Variants in MLLT3 observed in about 807,000 individuals in gnomAD.
The protein encoded by MLLT3 is MLLT3 super elongation complex subunit, also known as protein AF-9.
Under a neutral mutation model 53.2 loss-of-function variants are expected in MLLT3, and 4 were observed. The observed-to-expected ratio is 0.08, with a 90% CI of 0.04 to 0.17. The LOEUF (loss-of-function observed/expected upper bound fraction) is 0.17. Ranked by LOEUF, MLLT3 falls within the 10% of genes least tolerant of loss-of-function variation. The pLI is 1.00. For synonymous variants in MLLT3, 283 were observed against 230.6 expected, an observed-to-expected ratio of 1.23 and a Z score of -2.06; for missense variants, 569 against 684.0, an observed-to-expected ratio of 0.83 and a Z score of 1.87.
At chr9:20,351,214 C>T (rs578174863) in intron 10 of MLLT3, among the ~76,000 whole-genome samples, 52 of 152,330 alleles carry the variant, frequency 3.4e-4, no homozygotes, top group African/African-American at 1.1e-3. Flanking sequence ...TAATACGCCA[C>T]AGATTCCCCA....
chr9:20,400,768 A>T (rs1011356955), intron 5 of MLLT3, among the ~76,000 whole-genome samples: 44 of 152,292 alleles, frequency 2.9e-4, no homozygotes, highest in Non-Finnish European at 5.7e-4. Context: ...AGAATTTGGT[A>T]CTTAGTCCAT....
chr9:20,371,749 T>C (rs1216890927), intron 5 of MLLT3, among the ~76,000 whole-genome samples: 1 of 152,234 alleles, frequency 6.6e-6, no homozygotes, highest in Non-Finnish European at 1.5e-5. Context: ...CTAATACATC[T>C]ATTCTGTAGC....
At chr9:20,459,149 A>C (rs939037247) in intron 2 of MLLT3, among the ~76,000 whole-genome samples, 1 of 152,186 alleles carries the variant, frequency 6.6e-6, no homozygotes, top group African/African-American at 2.4e-5. Context: ...TTGATAATGT[A>C]CCTGGAAATT....
intron 2 of MLLT3, among the ~76,000 whole-genome samples, chr9:20,498,031 G>T (rs1825121292): frequency 6.6e-6 from 1 of 151,832 alleles, no homozygotes; most frequent in Admixed American, 6.6e-5. Flanking sequence ...AGATCAGTCT[G>T]CCTAACATGG....
At chr9:20,403,819 C>CT (rs1332165186) in intron 5 of MLLT3, among the ~76,000 whole-genome samples, 12 of 152,024 alleles carry the variant, frequency 7.9e-5, no homozygotes, top group Non-Finnish European at 7.4e-5. Flanking sequence ...AGATACTAAA[C>CT]TTTTTTTTGT....
chr9:20,439,542 T>G (rs1041262071), intron 4 of MLLT3, among the ~76,000 whole-genome samples: 1 of 152,016 alleles, frequency 6.6e-6, no homozygotes, highest in Admixed American at 6.6e-5. Flanking sequence ...TGTTAAAATT[T>G]CTGGGTCTTA....
rs1226599312 is a variant in MLLT3, at chr9:20,504,236, TACTTC to T, written c.194-47455_194-47451del. On this transcript the variant is annotated intron_variant, in intron 2 of 10. Transcript: ENST00000380338. ...AACCAGTATTTCAAAAAGATATCTG[TACTTC>T]CATTTTCACTGCAGTACTAGTTACA... is the stretch of plus-strand genomic sequence containing the variant. Among the ~76,000 whole-genome samples the T allele has an allele frequency of 4.6e-5, 7 of 152,284 alleles. No homozygotes were observed. The South Asian group carries it at 1.2e-3, about 27-fold the overall frequency.
At chr9:20,391,376 G>C (rs1038684587) in intron 5 of MLLT3, among the ~76,000 whole-genome samples, 4 of 152,116 alleles carry the variant, frequency 2.6e-5, no homozygotes, top group Admixed American at 6.5e-5. Context: ...AACAAGATAA[G>C]GTAAACAAGG....
At chr9:20,568,801 G>T (rs1284657186) in intron 2 of MLLT3, among the ~76,000 whole-genome samples, 1 of 152,144 alleles carries the variant, frequency 6.6e-6, no homozygotes, top group African/African-American at 2.4e-5. Flanking sequence ...AAACTTGTCT[G>T]TATTTACATC....
chr9:20,373,010 C>T (rs958711799), intron 5 of MLLT3, among the ~76,000 whole-genome samples: 2 of 152,094 alleles, frequency 1.3e-5, no homozygotes, highest in African/African-American at 4.8e-5. Context: ...TGGAACCTAA[C>T]CTGCAGTGTC....
intron 2 of MLLT3, among the ~76,000 whole-genome samples, chr9:20,518,951 C>T (rs1277288601): frequency 6.6e-6 from 1 of 152,156 alleles, no homozygotes; most frequent in East Asian, 1.9e-4. Context: ...GCTGACCCTG[C>T]AATACTCTTT....
At chr9:20,524,862 A>G (rs1332562189) in intron 2 of MLLT3, among the ~76,000 whole-genome samples, 1 of 152,176 alleles carries the variant, frequency 6.6e-6, no homozygotes, top group Non-Finnish European at 1.5e-5. Flanking sequence ...GGAGACAAGA[A>G]GTCAAAACTT....
At position 20,345,500 on chromosome 9, in the gene MLLT3, T is replaced by C. The variant is rs1184004632; in HGVS notation, c.*943A>G. On this transcript the variant is annotated 3_prime_UTR_variant, in exon 11 of 11. Coordinates refer to ENST00000380338, the MANE Select transcript of MLLT3 (RefSeq NM_004529.4). ...TTAGAAAACAGGACCAGAATTCTTTTTTTTTAAATGATGATCCTGTGGAAT... is the reference window on the plus strand; with the variant it reads ...TTAGAAAACAGGACCAGAATTCTTTCTTTTTAAATGATGATCCTGTGGAAT... 5 of 203,278 alleles carry C rather than the reference T, an allele frequency of 2.5e-5. No homozygotes were observed. 12.6% of individuals were successfully genotyped at this position (203,278 alleles called of 1,614,324 possible).
chr9:20,401,179 G>A (rs1204316561), intron 5 of MLLT3, among the ~76,000 whole-genome samples: 1 of 152,134 alleles, frequency 6.6e-6, no homozygotes, highest in Non-Finnish European at 1.5e-5. Flanking sequence ...TAAAATTATA[G>A]ATTTCCTTTT....
intron 2 of MLLT3, among the ~76,000 whole-genome samples, chr9:20,570,406 A>G (rs763457331): frequency 2.0e-5 from 3 of 152,214 alleles, no homozygotes; most frequent in African/African-American, 7.2e-5. Flanking sequence ...GAGAAATGAA[A>G]CTAAAATTAA....
chr9:20,620,595 G>A lies in MLLT3; in HGVS notation c.193+59C>T. ...GGGAGCGGGACAGCGGGACCGCCCG[G>A]GCCAAGCGATTGTTTCAAAGACATT... On this transcript the variant is annotated intron_variant, in intron 2 of 10. Transcript: ENST00000380338. This position sits in a 1 kb window ranked among gnomAD's most constrained non-coding sequence, Gnocchi z 6.1. 2.0e-6 allele frequency: 3 copies of A among 1,525,188 alleles called. No homozygotes were observed. The highest frequency in any genetic ancestry group is 1.2e-5 in the South Asian group (1 of 81,502). The allele number at this position is 1,525,188 out of a possible 1,614,324, so 94.5% of individuals were successfully genotyped here. A position where few individuals can be genotyped will look rare whatever the true frequency, so the allele number is the denominator to read the frequency against.
chr9:20,610,972 A>G (rs1473788272), intron 2 of MLLT3, among the ~76,000 whole-genome samples: 1 of 152,168 alleles, frequency 6.6e-6, no homozygotes, highest in Non-Finnish European at 1.5e-5. Context: ...TCTATAAAAC[A>G]GCTGCTTATT....
chr9:20,607,344 T>C (rs919633159), intron 2 of MLLT3, among the ~76,000 whole-genome samples: 4 of 152,158 alleles, frequency 2.6e-5, no homozygotes, highest in Non-Finnish European at 4.4e-5. Flanking sequence ...CTGTACTCAT[T>C]GTGCCAAAGA....
rs76308824 is a variant in MLLT3 at position 20,389,217 on chromosome 9, A to G, written c.1126-23473T>C. ...ATGAAGTTCTGGTACATGGTACAAC[A>G]TAAGTAAGTCCTGGAAATACAATAC... On this transcript the variant is annotated intron_variant, in intron 5 of 10. Transcript: ENST00000380338. Among the ~76,000 whole-genome samples, 7 of 152,342 alleles carry G rather than the reference A, an allele frequency of 4.6e-5. No homozygotes were observed. The East Asian group carries it at 9.6e-4, about 21-fold the overall frequency.
Sources: gnomAD v4.1 joint callset for allele counts (sites outside exome capture counted in the v4.1 genomes callset) on GRCh38, gnomAD v4.1.1 for gene constraint, Gnocchi (gnomAD v3.1) non-coding constraint, MANE v1.5 for transcripts, NCBI Gene and HGNC (gene_info 2026-07-23, HGNC 2026-07-21) for gene names.